TECPR2: variants seen among roughly 807,000 people sequenced by gnomAD.
TECPR2 encodes the protein tectonin beta-propeller repeat containing 2, also known as tectonin beta-propeller repeat-containing protein 2.
In TECPR2, 65 loss-of-function variants were observed where a neutral mutation model predicts 138.1. That is an observed-to-expected ratio of 0.47 (90% CI 0.39 to 0.58). The LOEUF is 0.58. TECPR2 is among the 20% of genes least tolerant of loss of function. The pLI is 0.00. For missense variants in TECPR2, 1,553 were observed against 1,824.5 expected (o/e 0.85, Z 2.71); for synonymous variants, 746 against 749.8 (o/e 0.99, Z 0.08).
In TECPR2 at chr14:102,363,111, C is replaced by T. The variant is rs1469902146; in HGVS notation, c.-78C>T. On this transcript the variant is annotated 5_prime_UTR_variant, in exon 1 of 20. Transcript: ENST00000359520. ...GCCGACGAGTCCGGAGGGGCTGCCG[C>T]GGGAGGTGAGTCCGGCGACGCCGCA... is the stretch of plus-strand genomic sequence containing the variant. 4.2e-5 allele frequency: 17 copies of T among 403,182 alleles called. No homozygotes were observed. The Admixed American group carries it at 6.9e-4, about 16-fold the overall frequency. The allele number at this position is 403,182 out of a possible 1,614,324, so 25.0% of individuals were successfully genotyped here. A position where few individuals can be genotyped will look rare whatever the true frequency, so the allele number is the denominator to read the frequency against.
chr14:102,465,443 C>T, intron 17 of TECPR2, 154 bp downstream of exon 17: 1 of 1,411,496 alleles, frequency 7.1e-7, no homozygotes, highest in Non-Finnish European at 9.2e-7. Flanking sequence ...CGTTCATCAA[C>T]ATCACAACTG....
At chr14:102,483,992 T>G (rs1890962266) in intron 17 of TECPR2, among the ~76,000 whole-genome samples, 1 of 109,388 alleles carries the variant, frequency 9.1e-6, no homozygotes, top group African/African-American at 3.7e-5. Flanking sequence ...AGACAAGGTT[T>G]CACCATGTTT....
intron 17 of TECPR2, among the ~76,000 whole-genome samples, chr14:102,488,264 C>T (rs1891080618): frequency 1.3e-5 from 2 of 151,668 alleles, no homozygotes; most frequent in South Asian, 4.2e-4. Flanking sequence ...GGCAATTCTC[C>T]TGCCTCAGTG....
At chr14:102,414,144 C>A (rs893389848) in intron 4 of TECPR2, among the ~76,000 whole-genome samples, 2 of 151,990 alleles carry the variant, frequency 1.3e-5, no homozygotes, top group Non-Finnish European at 2.9e-5. Flanking sequence ...TGCTTTGAAC[C>A]CTTTGTGAGG....
chr14:102,436,802 C>T (rs1686186955), intron 9 of TECPR2, among the ~76,000 whole-genome samples: 1 of 152,188 alleles, frequency 6.6e-6, no homozygotes, highest in Non-Finnish European at 1.5e-5. Context: ...TTCACATCCT[C>T]GCAGTTGAGT....
chr14:102,458,523 C>G (rs577705788), intron 16 of TECPR2, among the ~76,000 whole-genome samples: 1 of 152,106 alleles, frequency 6.6e-6, no homozygotes, highest in Non-Finnish European at 1.5e-5. Context: ...TCCGAGGCCT[C>G]GTGCGTTGGG....
intron 5 of TECPR2, 104 bp from the exon 6 acceptor site, chr14:102,424,875 G>T (rs139421713): frequency 1.7e-6 from 2 of 1,182,558 alleles, no homozygotes; most frequent in Admixed American, 5.1e-5. Flanking sequence ...TATTGTCTTA[G>T]CCAAAAAATT....
At chr14:102,452,721 C>A in intron 16 of TECPR2, 94 bp downstream of exon 16, 2 of 1,018,686 alleles carry the variant, frequency 2.0e-6, no homozygotes, top group Non-Finnish European at 2.9e-6. Context: ...GGCCTGTGTC[C>A]AACCTGTGAG....
Position 102,434,659 on chromosome 14 carries a change from C to T in TECPR2, c.1842C>T (p.Pro614=). 2 of 1,605,970 alleles carry T rather than the reference C, an allele frequency of 1.2e-6. No homozygotes were observed. The highest frequency in any genetic ancestry group is 2.2e-5 in the South Asian group (2 of 90,454). The part of the protein sequence containing the change: ...ADDGPNSTQL[P]FQEQDSSPGA... ...ATGGACCAAATAGCACACAGTTACCCTTCCAAGAACAGGACAGCTCTCCTG... is the reference window on the plus strand; with the variant it reads ...ATGGACCAAATAGCACACAGTTACCTTTCCAAGAACAGGACAGCTCTCCTG... The change falls in exon 9 of 20, where the codon CCC becomes CCT. Residue 614 remains proline, a synonymous_variant. Coordinates refer to ENST00000359520, the MANE Select transcript of TECPR2 (RefSeq NM_014844.5).
intron 1 of TECPR2, among the ~76,000 whole-genome samples, chr14:102,365,790 A>G (rs1022969745): frequency 6.6e-6 from 1 of 152,066 alleles, no homozygotes; most frequent in Non-Finnish European, 1.5e-5. Context: ...GCCTGAGATG[A>G]AGTTAGATAT....
intron 4 of TECPR2, among the ~76,000 whole-genome samples, chr14:102,412,492 C>T (rs1888908920): frequency 6.6e-6 from 1 of 152,026 alleles, no homozygotes; most frequent in African/African-American, 2.4e-5. Context: ...TCATTGTAAT[C>T]GGGAAAGTCT....
chr14:102,494,175 A>G (rs1891222141), intron 17 of TECPR2, among the ~76,000 whole-genome samples: 1 of 152,180 alleles, frequency 6.6e-6, no homozygotes, highest in South Asian at 2.1e-4. Flanking sequence ...GTGAGCGACC[A>G]AAGGGCTGAG....
At chr14:102,482,838 CTTT>C (rs758301929) in intron 17 of TECPR2, among the ~76,000 whole-genome samples, 2 of 96,576 alleles carry the variant, frequency 2.1e-5, no homozygotes, top group Admixed American at 1.4e-4. Flanking sequence ...AGAAGCCTTT[CTTT>C]TTTTTTTTTT....
In TECPR2 at chr14:102,489,148, C is replaced by A. The variant is rs183259848; in HGVS notation, c.3790-7831C>A. 2.6e-3 allele frequency among the ~76,000 whole-genome samples: 399 copies of A among 152,064 alleles called. 2 individuals are homozygous for A. Among genetic ancestry groups the A allele is most frequent in the African/African-American group, 8.8e-3 (364 of 41,504 alleles). ...CTGCCCACCTCGGCCTCCCAAAGTG[C>A]TGGGATTACAGGCATGAGCCACTGT... On this transcript the variant is annotated intron_variant, in intron 17 of 19. Coordinates refer to ENST00000359520, the MANE Select transcript of TECPR2 (RefSeq NM_014844.5).
intron 16 of TECPR2, among the ~76,000 whole-genome samples, chr14:102,459,308 A>G (rs1595137366): frequency 2.0e-5 from 3 of 152,244 alleles, no homozygotes; most frequent in South Asian, 2.1e-4. Flanking sequence ...TTTTGATCCT[A>G]TATTTGGCCA....
chr14:102,452,699 A>G, intron 16 of TECPR2, 72 bp downstream of exon 16: 2 of 1,299,748 alleles, frequency 1.5e-6, no homozygotes, highest in South Asian at 1.3e-5. Flanking sequence ...GTGATGTCGG[A>G]CAAAACTGCC....
At position 102,419,577 on chromosome 14, in the gene TECPR2, C is replaced by G. The variant is rs116606384; in HGVS notation, c.638+4784C>G. 6.3e-3 allele frequency among the ~76,000 whole-genome samples: 957 copies of G among 152,178 alleles called. 14 individuals carry two copies. Among genetic ancestry groups the G allele is most frequent in the African/African-American group, 0.022 (922 of 41,532 alleles). Reference sequence around the variant, plus strand: ...GACCAGAAACCGGGACAGAGACTCTCTTCCAGAGAAAGGGCAGGGCACTGA... The same window carrying G: ...GACCAGAAACCGGGACAGAGACTCTGTTCCAGAGAAAGGGCAGGGCACTGA... On this transcript the variant is annotated intron_variant, in intron 5 of 19. Transcript: ENST00000359520. This position sits in a 1 kb window ranked among gnomAD's most constrained non-coding sequence, Gnocchi z 4.8.
At chr14:102,457,331 C>T (rs760682418) in intron 16 of TECPR2, among the ~76,000 whole-genome samples, 2 of 152,016 alleles carry the variant, frequency 1.3e-5, no homozygotes, top group Non-Finnish European at 1.5e-5. Flanking sequence ...CTGATGCACC[C>T]GTCTTGGCCT....
intron 2 of TECPR2, among the ~76,000 whole-genome samples, chr14:102,380,956 G>A (rs557354843): frequency 6.7e-6 from 1 of 149,276 alleles, no homozygotes; most frequent in East Asian, 2.0e-4. Context: ...GGGATTACAG[G>A]CGTGAACCAC....
Sources: allele counts gnomAD v4.1 joint callset (sites outside exome capture counted in the v4.1 genomes callset), GRCh38; gene constraint gnomAD v4.1.1; non-coding constraint Gnocchi (gnomAD v3.1); transcripts MANE v1.5; gene names NCBI Gene and HGNC (gene_info 2026-07-23, HGNC 2026-07-21).